Variants in JARID2 observed in about 807,000 individuals in gnomAD.
JARID2 encodes the protein protein Jumonji.
JARID2 carries 21 observed loss-of-function variants against 125.6 expected under a neutral mutation model. The ratio of observed to expected loss-of-function variants is 0.17; its 90% CI spans 0.12 to 0.24. The LOEUF (loss-of-function observed/expected upper bound fraction) is 0.24, where lower values mean the gene tolerates loss of function less well. Among genes scored for constraint, JARID2 ranks in the 10% least tolerant of loss-of-function variants. JARID2 has a pLI of 1.00. For missense variants in JARID2, 1,303 were observed against 1,639.6 expected (o/e 0.79, Z 3.55); for synonymous variants, 736 against 661.6 (o/e 1.11, Z -1.73).
At chr6:15,384,074 G>C (rs184980940) in intron 2 of JARID2, among the ~76,000 whole-genome samples, 1 of 152,168 alleles carries the variant, frequency 6.6e-6, no homozygotes, top group Non-Finnish European at 1.5e-5. Context: ...GATTATAGGC[G>C]TGAGCCACCG....
chr6:15,312,186 C>T (rs1762036219), intron 1 of JARID2, among the ~76,000 whole-genome samples: 2 of 152,136 alleles, frequency 1.3e-5, no homozygotes, highest in South Asian at 4.1e-4. Flanking sequence ...TCCCAATTAG[C>T]TGGGATTACA....
chr6:15,438,473 A>G (rs1030885353), intron 3 of JARID2, among the ~76,000 whole-genome samples: 6 of 152,228 alleles, frequency 3.9e-5, no homozygotes, highest in African/African-American at 1.2e-4. Flanking sequence ...TGCAGAGCGT[A>G]GAAGGATGTA....
chr6:15,465,275 A>G (rs892458829), intron 4 of JARID2, among the ~76,000 whole-genome samples: 1 of 152,244 alleles, frequency 6.6e-6, no homozygotes, highest in African/African-American at 2.4e-5. Flanking sequence ...CAATGTAGCG[A>G]GATCCCGTTC....
At chr6:15,407,983 G>A (rs1392431784) in intron 2 of JARID2, among the ~76,000 whole-genome samples, 1 of 152,038 alleles carries the variant, frequency 6.6e-6, no homozygotes, top group African/African-American at 2.4e-5. Context: ...GAAACTTCAG[G>A]TCAGGTGCAG....
At chr6:15,404,760 G>A (rs1221373656) in intron 2 of JARID2, among the ~76,000 whole-genome samples, 1 of 152,132 alleles carries the variant, frequency 6.6e-6, no homozygotes, top group Non-Finnish European at 1.5e-5. Context: ...AATGACTTTG[G>A]TGTGCTCCAG....
intron 2 of JARID2, among the ~76,000 whole-genome samples, chr6:15,378,551 T>A (rs763820605): frequency 1.3e-5 from 2 of 152,134 alleles, no homozygotes; most frequent in Non-Finnish European, 2.9e-5. Context: ...CCTTTATGAC[T>A]GTTAGATGTG....
chr6:15,276,236 G>A (rs140934939), intron 1 of JARID2, among the ~76,000 whole-genome samples: 3 of 152,228 alleles, frequency 2.0e-5, no homozygotes, highest in African/African-American at 7.2e-5. Context: ...CTCCCCTCGA[G>A]TGTCCAGTCC....
At chr6:15,516,268 T>TATG (rs892890504) in intron 16 of JARID2, among the ~76,000 whole-genome samples, 1 of 152,228 alleles carries the variant, frequency 6.6e-6, no homozygotes, top group African/African-American at 2.4e-5. Context: ...GAGAAAGGCC[T>TATG]ATGACTCTTC....
chr6:15,427,778 C>G (rs1766794251), intron 3 of JARID2, among the ~76,000 whole-genome samples: 1 of 152,012 alleles, frequency 6.6e-6, no homozygotes, highest in African/African-American at 2.4e-5. Flanking sequence ...GCACTAGATG[C>G]TGGAATTGTG....
At chr6:15,435,352 G>A (rs956273396) in intron 3 of JARID2, among the ~76,000 whole-genome samples, 42 of 152,132 alleles carry the variant, frequency 2.8e-4, no homozygotes, top group Admixed American at 5.2e-4. Context: ...CCAAATCCTC[G>A]TGAGGGCCGC....
At chr6:15,514,911 A>G (rs902823654) in intron 16 of JARID2, among the ~76,000 whole-genome samples, 1 of 152,200 alleles carries the variant, frequency 6.6e-6, no homozygotes, top group Non-Finnish European at 1.5e-5. Flanking sequence ...TTTTTCCCCC[A>G]GACTTCTCAA....
chr6:15,504,413 G>A, intron 8 of JARID2, 87 bp from the exon 9 acceptor site: 1 of 933,118 alleles, frequency 1.1e-6, no homozygotes, highest in Non-Finnish European at 1.8e-6. Flanking sequence ...ACGCCAAGGG[G>A]CAGCGGCCCA....
chr6:15,452,898 C>T (rs1320600503), intron 4 of JARID2, among the ~76,000 whole-genome samples: 1 of 152,122 alleles, frequency 6.6e-6, no homozygotes, highest in African/African-American at 2.4e-5. Context: ...CAGAGAGTTC[C>T]TTGGGTGAGG....
chr6:15,385,978 C>T (rs766040388), intron 2 of JARID2, among the ~76,000 whole-genome samples: 9 of 152,152 alleles, frequency 5.9e-5, no homozygotes, highest in Non-Finnish European at 1.2e-4. Context: ...CTTTCTGAAC[C>T]ACATTCATCG....
intron 1 of JARID2, among the ~76,000 whole-genome samples, chr6:15,344,172 G>C (rs1371456362): frequency 7.4e-6 from 1 of 135,946 alleles, no homozygotes; most frequent in Non-Finnish European, 1.5e-5. Flanking sequence ...TTTCGTGGTA[G>C]TGGTGGACCC....
At chr6:15,320,178 CTG>C (rs1171141395) in intron 1 of JARID2, among the ~76,000 whole-genome samples, 1 of 152,166 alleles carries the variant, frequency 6.6e-6, no homozygotes, top group Non-Finnish European at 1.5e-5. Flanking sequence ...CTAGAAGAGA[CTG>C]TGGTTGTGGA....
intron 1 of JARID2, among the ~76,000 whole-genome samples, chr6:15,305,248 G>A (rs55747333): frequency 0.021 from 3,202 of 152,240 alleles, 41 homozygotes; most frequent in Middle Eastern, 0.034. Context: ...GATGTTGGCC[G>A]GTCATCCTGC....
intron 3 of JARID2, among the ~76,000 whole-genome samples, chr6:15,432,260 C>G (rs1308144918): frequency 6.6e-6 from 1 of 152,100 alleles, no homozygotes; most frequent in Non-Finnish European, 1.5e-5. Flanking sequence ...GAAACCCTGT[C>G]TCTACTAAAA....
chr6:15,319,287 A>T (rs373919292), intron 1 of JARID2, among the ~76,000 whole-genome samples: 1 of 149,646 alleles, frequency 6.7e-6, no homozygotes, highest in Non-Finnish European at 1.5e-5. Flanking sequence ...TGCCTTGAAC[A>T]ATAATTTTAA....
Sources: allele counts gnomAD v4.1 joint callset (sites outside exome capture counted in the v4.1 genomes callset), GRCh38; gene constraint gnomAD v4.1.1; transcripts MANE v1.5; gene names NCBI Gene and HGNC (gene_info 2026-07-23, HGNC 2026-07-21).